Variants in ZNF469 observed in about 807,000 individuals in gnomAD.
ZNF469 encodes the protein zinc finger protein 469.
ZNF469 carries 1 observed loss-of-function variant against 1.0 expected under a neutral mutation model. The observed-to-expected ratio is 1.00, with a 90% CI of 0.35 to 4.73. The LOEUF (loss-of-function observed/expected upper bound fraction) is 4.73, where lower values mean the gene tolerates loss of function less well. Ranked by LOEUF, ZNF469 falls within the 30% of genes most tolerant of loss-of-function variation. The pLI is 0.16. For synonymous variants in ZNF469, 2,703 were observed against 2,363.4 expected (o/e 1.14, Z -4.17); for missense variants, 6,100 against 5,356.3 (o/e 1.14, Z -4.33).
intron 1 of ZNF469, among the ~76,000 whole-genome samples, chr16:88,417,197 C>T (rs1235137105): frequency 7.0e-6 from 1 of 143,470 alleles, no homozygotes; most frequent in African/African-American, 2.5e-5. Context: ...GAGCTCAAAG[C>T]CAGGGGCGAA....
chr16:88,157,195 G>T, the ZNF469 span, among the ~76,000 whole-genome samples: 1 of 151,656 alleles, frequency 6.6e-6, no homozygotes, highest in African/African-American at 2.4e-5. Flanking sequence ...TTGCTCTCTC[G>T]GGGCTGAAGC....
At chr16:88,327,117 T>C in the ZNF469 span, among the ~76,000 whole-genome samples, 1 of 152,012 alleles carries the variant, frequency 6.6e-6, no homozygotes, top group Non-Finnish European at 1.5e-5. Flanking sequence ...ACCCCAGGAG[T>C]GGGGCCATCC....
chr16:88,245,131 G>T, the ZNF469 span, among the ~76,000 whole-genome samples: 1 of 152,162 alleles, frequency 6.6e-6, no homozygotes, highest in Non-Finnish European at 1.5e-5. Context: ...TTGCTATGAG[G>T]GAGGGGAGGA....
chr16:88,194,629 CT>C, the ZNF469 span: 1 of 152,286 alleles, frequency 6.6e-6, no homozygotes, highest in Admixed American at 6.5e-5. Context: ...GGATTTCGCG[CT>C]GCCCCCGGCG....
chr16:88,372,951 T>A, the ZNF469 span, among the ~76,000 whole-genome samples: 3 of 151,922 alleles, frequency 2.0e-5, no homozygotes, highest in Non-Finnish European at 4.4e-5. Context: ...TTTACCATCA[T>A]CACCATCATC....
upstream of ZNF469, among the ~76,000 whole-genome samples, chr16:88,378,462 A>G (rs1286528370): frequency 6.6e-6 from 1 of 152,130 alleles, no homozygotes; most frequent in Admixed American, 6.5e-5. Flanking sequence ...CGGGGAGAGG[A>G]CACACAAGCC....
chr16:88,145,513 G>C, the ZNF469 span, among the ~76,000 whole-genome samples: 3,247 of 152,360 alleles, frequency 0.021, 115 homozygotes, highest in African/African-American at 0.075. Flanking sequence ...TGCCCTCTTG[G>C]GTTTGCCGCT....
At chr16:88,256,930 CTT>C in the ZNF469 span, among the ~76,000 whole-genome samples, 1 of 12,082 alleles carries the variant, frequency 8.3e-5, no homozygotes, top group Non-Finnish European at 2.1e-4. Context: ...TTCTTTCTTT[CTT>C]TCTTTCTTTC....
chr16:88,314,287 T>G, the ZNF469 span, among the ~76,000 whole-genome samples: 1 of 145,872 alleles, frequency 6.9e-6, no homozygotes. Flanking sequence ...TGGACTATCA[T>G]CTCTGTAATT....
At chr16:88,131,363 C>T in the ZNF469 span, among the ~76,000 whole-genome samples, 5 of 70,416 alleles carry the variant, frequency 7.1e-5, no homozygotes, top group Middle Eastern at 0.012. Context: ...GCAGAGGGGC[C>T]GGCCTGTTTG....
chr16:88,197,310 A>G, the ZNF469 span, among the ~76,000 whole-genome samples: 511 of 152,308 alleles, frequency 3.4e-3, 7 homozygotes, highest in Non-Finnish European at 6.0e-3. Context: ...TTGTACAGAC[A>G]CAGAGGAGGG....
intron 1 of ZNF469, among the ~76,000 whole-genome samples, chr16:88,394,127 T>A (rs906802602): frequency 1.3e-5 from 2 of 150,886 alleles, no homozygotes; most frequent in African/African-American, 4.9e-5. Context: ...AGGAGCGGGG[T>A]TTGACACGCC....
the ZNF469 span, among the ~76,000 whole-genome samples, chr16:88,277,669 T>C: frequency 7.8e-6 from 1 of 128,304 alleles, no homozygotes; most frequent in Non-Finnish European, 1.7e-5. Context: ...ACTCAGTCAG[T>C]ACCATGTAGA....
chr16:88,411,031 C>T (rs1009160667), intron 1 of ZNF469, among the ~76,000 whole-genome samples: 3 of 152,294 alleles, frequency 2.0e-5, no homozygotes, highest in Admixed American at 6.5e-5. Context: ...GGGCCCTCTC[C>T]GAAGGACACC....
chr16:88,133,180 G>A, the ZNF469 span, among the ~76,000 whole-genome samples: 6 of 152,236 alleles, frequency 3.9e-5, no homozygotes, highest in Non-Finnish European at 7.3e-5. Flanking sequence ...TCGGGAAGGC[G>A]GGCACTGAAA....
the ZNF469 span, among the ~76,000 whole-genome samples, chr16:88,273,080 G>A: frequency 6.6e-6 from 1 of 152,098 alleles, no homozygotes; most frequent in Admixed American, 6.5e-5. Flanking sequence ...TGGATAAATG[G>A]GTGGATGGAT....
At chr16:88,194,124 C>A in the ZNF469 span, among the ~76,000 whole-genome samples, 1 of 152,206 alleles carries the variant, frequency 6.6e-6, no homozygotes, top group African/African-American at 2.4e-5. Context: ...CCCCCTCCGC[C>A]ACACAAACCT....
At chr16:88,325,483 C>G in the ZNF469 span, among the ~76,000 whole-genome samples, 430 of 152,378 alleles carry the variant, frequency 2.8e-3, 2 homozygotes, top group African/African-American at 0.01. Context: ...CCGGAGGACA[C>G]AGGTCAGTGA....
chr16:88,110,858 G>A, the ZNF469 span, among the ~76,000 whole-genome samples: 5 of 152,228 alleles, frequency 3.3e-5, no homozygotes, highest in East Asian at 1.9e-4. Context: ...GTGTAGCCTC[G>A]CTGGAGAAAT....
Sources: allele counts gnomAD v4.1 joint callset (sites outside exome capture counted in the v4.1 genomes callset), GRCh38; gene constraint gnomAD v4.1.1; transcripts MANE v1.5; gene names NCBI Gene and HGNC (gene_info 2026-07-23, HGNC 2026-07-21).